The following SLC35F4 variants were observed in gnomAD, a reference collection of about 807,000 sequenced individuals.
SLC35F4 encodes chromosome 14 open reading frame 36.
Under a neutral mutation model 44.2 loss-of-function variants are expected in SLC35F4, and 24 were observed. That is an observed-to-expected ratio of 0.54 (90% CI 0.39 to 0.76). The LOEUF is 0.76. SLC35F4 is among the 30% of genes least tolerant of loss of function. The probability of loss-of-function intolerance (pLI) is 0.00; values close to 1 mark genes in which losing one functional copy is unlikely to be tolerated. For missense variants in SLC35F4, 562 were observed against 586.1 expected, an observed-to-expected ratio of 0.96 and a Z score of 0.42; for synonymous variants, 238 against 223.6, an observed-to-expected ratio of 1.06 and a Z score of -0.57.
intron 1 of SLC35F4, among the ~76,000 whole-genome samples, chr14:57,732,153 A>G (rs1168877832): frequency 6.6e-6 from 1 of 152,220 alleles, no homozygotes; most frequent in Non-Finnish European, 1.5e-5. Context: ...GTTTCATAAT[A>G]TTAAATTTTT....
At chr14:57,905,099 T>G (rs1356049564) in intron 1 of SLC35F4, among the ~76,000 whole-genome samples, 1 of 152,210 alleles carries the variant, frequency 6.6e-6, no homozygotes, top group Admixed American at 6.5e-5. Flanking sequence ...GAGCCTCTCA[T>G]GAGTTGCAGT....
At chr14:57,693,295 C>T (rs1030506476) in intron 1 of SLC35F4, among the ~76,000 whole-genome samples, 1 of 152,130 alleles carries the variant, frequency 6.6e-6, no homozygotes, top group African/African-American at 2.4e-5. Flanking sequence ...TGGTAATAGG[C>T]CCCCAAAATC....
chr14:57,840,827 G>A (rs765307125), intron 1 of SLC35F4, among the ~76,000 whole-genome samples: 1 of 152,076 alleles, frequency 6.6e-6, no homozygotes, highest in Non-Finnish European at 1.5e-5. Context: ...TACATTTTAA[G>A]CCATGGTTAT....
chr14:57,802,258 A>C (rs1361424623), intron 1 of SLC35F4, among the ~76,000 whole-genome samples: 1 of 152,198 alleles, frequency 6.6e-6, no homozygotes, highest in East Asian at 1.9e-4. Flanking sequence ...TTAAGGCAGA[A>C]ATCAAGAAGT....
At chr14:57,607,965 A>T (rs748814845) in intron 1 of SLC35F4, among the ~76,000 whole-genome samples, 1 of 152,212 alleles carries the variant, frequency 6.6e-6, no homozygotes, top group African/African-American at 2.4e-5. Context: ...CTGAATTGAT[A>T]AAACACCATT....
intron 1 of SLC35F4, among the ~76,000 whole-genome samples, chr14:57,929,375 G>T (rs1025281931): frequency 6.6e-6 from 1 of 151,856 alleles, no homozygotes; most frequent in Non-Finnish European, 1.5e-5. Context: ...AGAAATGTTT[G>T]GGAAAACCCA....
At chr14:57,740,514 A>G (rs1416188889) in intron 1 of SLC35F4, among the ~76,000 whole-genome samples, 1 of 152,250 alleles carries the variant, frequency 6.6e-6, no homozygotes, top group East Asian at 1.9e-4. Flanking sequence ...GGGAGGAAGG[A>G]TAAACAGAAG....
intron 1 of SLC35F4, among the ~76,000 whole-genome samples, chr14:57,922,572 A>G (rs1404981244): frequency 6.6e-6 from 1 of 152,212 alleles, no homozygotes; most frequent in Non-Finnish European, 1.5e-5. Flanking sequence ...AAGAAATGCT[A>G]TAACTTTTGC....
intron 1 of SLC35F4, among the ~76,000 whole-genome samples, chr14:57,611,976 C>T (rs928729296): frequency 7.2e-5 from 11 of 152,188 alleles, no homozygotes; most frequent in Non-Finnish European, 2.9e-5. Context: ...CAAGGTCAGC[C>T]TCATAATCTC....
chr14:57,935,198 T>A (rs898161406), intron 1 of SLC35F4, among the ~76,000 whole-genome samples: 1 of 152,172 alleles, frequency 6.6e-6, no homozygotes, highest in African/African-American at 2.4e-5. Context: ...CAAATGTAAA[T>A]TGACTTCTTG....
At chr14:57,848,038 G>T (rs979695145) in intron 1 of SLC35F4, among the ~76,000 whole-genome samples, 1 of 152,164 alleles carries the variant, frequency 6.6e-6, no homozygotes, top group African/African-American at 2.4e-5. Context: ...AAAATTTTAG[G>T]AGCCAGAAAG....
At chr14:57,593,907 T>C in intron 2 of SLC35F4, 32 bp downstream of exon 2, 1 of 1,607,858 alleles carries the variant, frequency 6.2e-7, no homozygotes. Flanking sequence ...TACTAGGATG[T>C]ACCGTTATTT....
downstream of SLC35F4, among the ~76,000 whole-genome samples, chr14:57,972,160 G>C (rs763017932): frequency 1.3e-5 from 2 of 152,214 alleles, no homozygotes; most frequent in Non-Finnish European, 2.9e-5. Flanking sequence ...GGGGAAAGTA[G>C]CATCAGATAA....
chr14:57,834,076 G>C (rs953896800), intron 1 of SLC35F4, among the ~76,000 whole-genome samples: 1 of 151,974 alleles, frequency 6.6e-6, no homozygotes, highest in African/African-American at 2.4e-5. Context: ...AATAACAAAG[G>C]CTGACCCCAA....
chr14:57,674,213 T>A (rs972532423), intron 1 of SLC35F4, among the ~76,000 whole-genome samples: 6 of 151,944 alleles, frequency 3.9e-5, no homozygotes, highest in African/African-American at 1.5e-4. Context: ...ATGGGCAACA[T>A]CAAATATTGG....
chr14:57,976,107 C>T (rs370028461), downstream of SLC35F4, among the ~76,000 whole-genome samples: 151 of 152,246 alleles, frequency 9.9e-4, no homozygotes, highest in African/African-American at 3.3e-3. Context: ...TAAGTCAGTA[C>T]AGAGACTTAG....
intron 1 of SLC35F4, among the ~76,000 whole-genome samples, chr14:57,660,622 A>G (rs559637264): frequency 5.9e-5 from 9 of 152,054 alleles, no homozygotes; most frequent in Admixed American, 5.2e-4. Flanking sequence ...AAATGATGGC[A>G]TGGCACTTTT....
chr14:57,668,669 T>C (rs1314117790), intron 1 of SLC35F4, among the ~76,000 whole-genome samples: 11 of 152,136 alleles, frequency 7.2e-5, no homozygotes, highest in Non-Finnish European at 5.9e-5. Flanking sequence ...CTGAGGGCTC[T>C]GTTCTGTTCC....
chr14:57,794,319 CA>C (rs747823409), intron 1 of SLC35F4, among the ~76,000 whole-genome samples: 3 of 152,030 alleles, frequency 2.0e-5, no homozygotes. Context: ...GACTAATGTT[CA>C]GAATTGACAA....
Sources: gnomAD v4.1 joint callset for allele counts (sites outside exome capture counted in the v4.1 genomes callset) on GRCh38, gnomAD v4.1.1 for gene constraint, MANE v1.5 for transcripts, NCBI Gene and HGNC (gene_info 2026-07-23, HGNC 2026-07-21) for gene names.